The following ULK4 variants were observed in gnomAD, a reference collection of about 807,000 sequenced individuals.
ULK4 encodes inactive serine/threonine-protein kinase ULK4.
A neutral mutation model predicts 160.6 loss-of-function variants in ULK4; 133 were observed. The ratio of observed to expected loss-of-function variants is 0.83; its 90% CI spans 0.72 to 0.96. The LOEUF (loss-of-function observed/expected upper bound fraction) is 0.96, where lower values mean the gene tolerates loss of function less well. ULK4 is among the 40% of genes least tolerant of loss of function. The pLI is 0.00. For synonymous variants in ULK4, 534 were observed against 539.8 expected, an observed-to-expected ratio of 0.99 and a Z score of 0.15; for missense variants, 1,580 against 1,499.5, an observed-to-expected ratio of 1.05 and a Z score of -0.89.
At chr3:41,842,178 T>TAAAAA (rs1178331973) in intron 17 of ULK4, among the ~76,000 whole-genome samples, 2 of 113,452 alleles carry the variant, frequency 1.8e-5, no homozygotes, top group East Asian at 2.3e-4. Context: ...AATGAACATG[T>TAAAAA]AAAAAAAAAA....
At position 41,935,868 on chromosome 3, in the gene ULK4, T is replaced by C. The variant is rs979316925; in HGVS notation, c.311A>G (p.Asp104Gly). The C allele has an allele frequency of 1.2e-6, 2 of 1,613,922 alleles. No homozygotes were observed. The highest frequency in any genetic ancestry group is 1.7e-6 in the Non-Finnish European group (2 of 1,179,966). The change falls in exon 4 of 37, where the codon GAC (aspartate) becomes GGC (glycine). Residue 104 changes from aspartate to glycine, a missense_variant. Transcript: ENST00000301831. ...AAGATGATGTAATCCACTAATCAGGTCAATTCCAAATTCTCTCACAACATC... is the reference window on the plus strand; with the variant it reads ...AAGATGATGTAATCCACTAATCAGGCCAATTCCAAATTCTCTCACAACATC... Reference protein sequence around the residue: ...PEDVVREFGIDLISGLHHLHK... With the variant: ...PEDVVREFGIGLISGLHHLHK...
At chr3:41,670,190 G>A (rs114507122) in intron 29 of ULK4, among the ~76,000 whole-genome samples, 4,246 of 152,218 alleles carry the variant, frequency 0.028, 207 homozygotes, top group African/African-American at 0.097. Context: ...GTAAAGAGCA[G>A]GCTGCCAAAC....
intron 35 of ULK4, among the ~76,000 whole-genome samples, chr3:41,317,918 T>C (rs1044566621): frequency 1.3e-5 from 2 of 152,180 alleles, no homozygotes; most frequent in Admixed American, 1.3e-4. Context: ...TTCTTCTCCT[T>C]TTATATCTTC....
At chr3:41,941,698 G>T (rs1291715038) in intron 2 of ULK4, among the ~76,000 whole-genome samples, 1 of 131,786 alleles carries the variant, frequency 7.6e-6, no homozygotes, top group Non-Finnish European at 1.6e-5. Flanking sequence ...TCAAGGCACA[G>T]TGAGCCGTGA....
At chr3:41,792,523 C>T (rs1356289896) in intron 20 of ULK4, among the ~76,000 whole-genome samples, 4 of 152,060 alleles carry the variant, frequency 2.6e-5, no homozygotes, top group African/African-American at 9.7e-5. Flanking sequence ...AGCACTATAA[C>T]AATTCTTGGA....
intron 35 of ULK4, among the ~76,000 whole-genome samples, chr3:41,297,169 G>C (rs1035970071): frequency 5.9e-5 from 9 of 152,164 alleles, no homozygotes; most frequent in African/African-American, 2.2e-4. Flanking sequence ...CCCTCCTGCT[G>C]CCTCCGTGAG....
chr3:41,489,936 A>C (rs1482632878), intron 32 of ULK4, among the ~76,000 whole-genome samples: 1 of 152,174 alleles, frequency 6.6e-6, no homozygotes, highest in African/African-American at 2.4e-5. Flanking sequence ...CCTGATTCAG[A>C]GGACAGGACT....
chr3:41,606,952 CTTTT>C (rs2032413454), intron 31 of ULK4, among the ~76,000 whole-genome samples: 3 of 152,158 alleles, frequency 2.0e-5, no homozygotes, highest in Admixed American at 2.0e-4. Context: ...TGTGCAGAAG[CTTTT>C]TTAATTTGAT....
chr3:41,901,724 C>T (rs1294752297), intron 12 of ULK4, among the ~76,000 whole-genome samples: 1 of 151,724 alleles, frequency 6.6e-6, no homozygotes, highest in Non-Finnish European at 1.5e-5. Flanking sequence ...AGGTGATCCA[C>T]CCAACTTGGC....
chr3:41,284,250 A>G (rs1575394007), intron 35 of ULK4, among the ~76,000 whole-genome samples: 2 of 152,324 alleles, frequency 1.3e-5, no homozygotes, highest in Admixed American at 1.3e-4. Context: ...ACAATTCTAA[A>G]ATTCATATGG....
intron 32 of ULK4, among the ~76,000 whole-genome samples, chr3:41,517,361 G>A (rs190117970): frequency 4.3e-4 from 65 of 152,258 alleles, no homozygotes; most frequent in African/African-American, 1.5e-3. Context: ...TTAAGTCAGA[G>A]TTCTGCCCTC....
At chr3:41,519,422 C>T (rs1402880247) in intron 32 of ULK4, among the ~76,000 whole-genome samples, 1 of 152,254 alleles carries the variant, frequency 6.6e-6, no homozygotes, top group African/African-American at 2.4e-5. Context: ...GAATGATAAT[C>T]AGTCGCTAAT....
At chr3:41,403,363 T>C (rs9826206) in intron 34 of ULK4, among the ~76,000 whole-genome samples, 53,378 of 151,930 alleles carry the variant, frequency 0.35, 10,056 homozygotes, top group South Asian at 0.5. Context: ...TTCTTCCAAG[T>C]TACAGAATTT....
At chr3:41,801,641 G>T (rs2040462468) in intron 19 of ULK4, among the ~76,000 whole-genome samples, 1 of 152,146 alleles carries the variant, frequency 6.6e-6, no homozygotes, top group Non-Finnish European at 1.5e-5. Flanking sequence ...GTTGAGGCCA[G>T]GAGTTCAAGA....
chr3:41,327,274 C>T lies in ULK4; in HGVS notation c.3678+70805G>A, dbSNP rs570317277. On this transcript the variant is annotated intron_variant, in intron 35 of 36. Transcript: ENST00000301831. ...CTTGTTACAGAAAGTCCATAGGGTA[C>T]TTTCAGGAGCAAATTACACCAAATC... Among the ~76,000 whole-genome samples, 26 of 152,286 alleles carry T rather than the reference C, an allele frequency of 1.7e-4. 1 individual carries two copies. In the South Asian group the frequency reaches 5.0e-3, roughly 29 times the overall value.
intron 31 of ULK4, among the ~76,000 whole-genome samples, chr3:41,585,493 C>T (rs2030724064): frequency 6.6e-6 from 1 of 152,102 alleles, no homozygotes; most frequent in African/African-American, 2.4e-5. Context: ...TGAACTTTTA[C>T]CTTATACCAT....
intron 17 of ULK4, among the ~76,000 whole-genome samples, chr3:41,879,592 G>A (rs1285575322): frequency 6.6e-6 from 1 of 151,922 alleles, no homozygotes; most frequent in Non-Finnish European, 1.5e-5. Context: ...ACCTCCCAGG[G>A]TCATGTCTCA....
At chr3:41,304,836 G>A (rs2079873055) in intron 35 of ULK4, among the ~76,000 whole-genome samples, 1 of 152,212 alleles carries the variant, frequency 6.6e-6, no homozygotes, top group Non-Finnish European at 1.5e-5. Context: ...TAGCTCCTGT[G>A]TCAAAGTGTG....
intron 35 of ULK4, among the ~76,000 whole-genome samples, chr3:41,364,579 G>C (rs758153617): frequency 6.6e-6 from 1 of 151,796 alleles, no homozygotes; most frequent in Non-Finnish European, 1.5e-5. Flanking sequence ...TTCTTTACTA[G>C]ATAAATGAGA....
Sources: allele counts gnomAD v4.1 joint callset (sites outside exome capture counted in the v4.1 genomes callset), GRCh38; gene constraint gnomAD v4.1.1; transcripts MANE v1.5; gene names NCBI Gene and HGNC (gene_info 2026-07-23, HGNC 2026-07-21).